CDH18: variants seen among roughly 807,000 people sequenced by gnomAD.
CDH18 encodes cadherin-18.
Under a neutral mutation model 67.9 loss-of-function variants are expected in CDH18, and 31 were observed. The ratio of observed to expected loss-of-function variants is 0.46; its 90% confidence interval spans 0.34 to 0.62. CDH18 has a LOEUF of 0.62. Among genes scored for constraint, CDH18 ranks in the 20% least tolerant of loss-of-function variants. The pLI, the probability that CDH18 is intolerant of heterozygous loss-of-function variation, is 0.01. For missense variants in CDH18, 890 were observed against 975.5 expected (o/e 0.91, Z 1.17); for synonymous variants, 362 against 347.2 (o/e 1.04, Z -0.48).
At chr5:20,313,407 AT>A (rs1216578824) in intron 1 of CDH18, among the ~76,000 whole-genome samples, 1 of 151,954 alleles carries the variant, frequency 6.6e-6, no homozygotes, top group Non-Finnish European at 1.5e-5. Context: ...TTTGATCTTC[AT>A]TTCTTTTCTG....
chr5:20,247,676 A>C (rs1156489669), intron 2 of CDH18, among the ~76,000 whole-genome samples: 3 of 151,818 alleles, frequency 2.0e-5, no homozygotes, highest in Admixed American at 6.6e-5. Flanking sequence ...AGGCAGGAGA[A>C]TCACTTGAAC....
At position 19,494,922 on chromosome 5, in the gene CDH18, T is replaced by C. The variant is rs903386904; in HGVS notation, c.1630+8070A>G. ...TTGGAAATCGATTCTTAGGCTATAATTTCTGTCACCTGATATCCCTTTTCA... is the reference window on the plus strand; with the variant it reads ...TTGGAAATCGATTCTTAGGCTATAACTTCTGTCACCTGATATCCCTTTTCA... On this transcript the variant is annotated intron_variant, in intron 11 of 12. Coordinates refer to ENST00000382275, the MANE Select transcript of CDH18 (RefSeq NM_004934.5). Among the ~76,000 whole-genome samples the C allele has an allele frequency of 3.3e-5, 5 of 152,324 alleles. No homozygotes were observed. The East Asian group carries it at 7.7e-4, about 23-fold the overall frequency.
At chr5:19,620,301 G>A (rs369353799) in intron 5 of CDH18, among the ~76,000 whole-genome samples, 37 of 152,128 alleles carry the variant, frequency 2.4e-4, no homozygotes, top group Non-Finnish European at 4.1e-4. Flanking sequence ...TATATACGTC[G>A]TGTATTTATT....
intron 8 of CDH18, among the ~76,000 whole-genome samples, chr5:19,545,756 C>T (rs575144566): frequency 6.6e-6 from 1 of 151,972 alleles, no homozygotes; most frequent in Non-Finnish European, 1.5e-5. Context: ...AATGATTATG[C>T]CTTAAATGCC....
intron 2 of CDH18, among the ~76,000 whole-genome samples, chr5:20,184,613 A>C (rs982579092): frequency 1.3e-5 from 2 of 152,108 alleles, no homozygotes; most frequent in Non-Finnish European, 2.9e-5. Context: ...TGATTCTGTT[A>C]GGGTTGAACT....
intron 2 of CDH18, among the ~76,000 whole-genome samples, chr5:19,875,696 T>C (rs1245749274): frequency 6.6e-6 from 1 of 152,014 alleles, no homozygotes; most frequent in Non-Finnish European, 1.5e-5. Flanking sequence ...TTTTATATTG[T>C]TGAATCTAGA....
chr5:19,933,399 C>G (rs1793916079), intron 2 of CDH18, among the ~76,000 whole-genome samples: 1 of 151,454 alleles, frequency 6.6e-6, no homozygotes, highest in South Asian at 2.1e-4. Flanking sequence ...AATTGCACCC[C>G]TTTCCTCATC....
intron 5 of CDH18, among the ~76,000 whole-genome samples, chr5:19,621,790 TA>T (rs1750760180): frequency 6.6e-6 from 1 of 152,172 alleles, no homozygotes; most frequent in African/African-American, 2.4e-5. Flanking sequence ...ATCGGACACT[TA>T]AAAATTGTTT....
intron 1 of CDH18, among the ~76,000 whole-genome samples, chr5:20,283,153 A>G (rs886208185): frequency 7.6e-6 from 1 of 132,026 alleles, no homozygotes; most frequent in Non-Finnish European, 1.7e-5. Flanking sequence ...TAAAATTACT[A>G]GAAAAAAAAT....
At chr5:19,730,751 AC>A (rs1438451748) in intron 4 of CDH18, among the ~76,000 whole-genome samples, 2 of 133,312 alleles carry the variant, frequency 1.5e-5, no homozygotes, top group Non-Finnish European at 3.2e-5. Context: ...TCATTTTCAC[AC>A]AGAAGTATTA....
chr5:19,736,811 G>C (rs75188035), intron 4 of CDH18, among the ~76,000 whole-genome samples: 1,586 of 152,250 alleles, frequency 0.01, 10 homozygotes, highest in Non-Finnish European at 0.017. Flanking sequence ...GGCACAGCAG[G>C]AGAAGATTTA....
At chr5:20,456,690 G>A (rs1750855281) in intron 1 of CDH18, among the ~76,000 whole-genome samples, 1 of 129,332 alleles carries the variant, frequency 7.7e-6, no homozygotes, top group Non-Finnish European at 1.8e-5. Context: ...CAATATTTAA[G>A]TGGACTAATT....
In CDH18 at chr5:20,542,542, G is replaced by A. The variant is rs370764656; in HGVS notation, c.-580+32920C>T. ...GCATATATATGCTATATATGCATAT[G>A]GATATATATACATATATATACACAC... On this transcript the variant is annotated intron_variant, in intron 1 of 14. Transcript: ENST00000507958. Among the ~76,000 whole-genome samples the A allele has an allele frequency of 3.4e-4, 51 of 151,144 alleles. 1 individual carries two copies. The East Asian group carries it at 5.1e-3, about 15-fold the overall frequency.
chr5:19,600,365 A>T (rs2150063434), intron 6 of CDH18, among the ~76,000 whole-genome samples: 1 of 151,924 alleles, frequency 6.6e-6, no homozygotes, highest in East Asian at 1.9e-4. Flanking sequence ...AAATAAAAAT[A>T]AAAATAAATA....
rs186992147 is a variant in CDH18, at chr5:19,912,165, A to G, written c.-257+68895T>C. On this transcript the variant is annotated intron_variant, in intron 2 of 12. Transcript: ENST00000382275. ...GAAAAAATAAAGACATGAATTGTTT[A>G]GCTATTAACAATAATAATAAAAAAA... Among the ~76,000 whole-genome samples the G allele has an allele frequency of 1.8e-3, 275 of 148,746 alleles. 1 individual carries two copies. The highest frequency in any genetic ancestry group is 6.4e-3 in the African/African-American group (263 of 41,206).
rs962649539 is a variant in CDH18 at position 19,700,791 on chromosome 5, A to G, written c.643+20556T>C. Among the ~76,000 whole-genome samples, 3 of 152,142 alleles carry G rather than the reference A, an allele frequency of 2.0e-5. No homozygotes were observed. The East Asian group carries it at 5.8e-4, about 29-fold the overall frequency. On this transcript the variant is annotated intron_variant, in intron 5 of 12. Transcript: ENST00000382275. ...AAGGGCTTTCATTTATCTCCCAGGA[A>G]AAGTCTATGGGCCTTGTTTCCATCA... is the stretch of plus-strand genomic sequence containing the variant.
At chr5:20,198,037 A>C (rs1383470307) in intron 2 of CDH18, among the ~76,000 whole-genome samples, 2 of 152,134 alleles carry the variant, frequency 1.3e-5, no homozygotes, top group Admixed American at 1.3e-4. Flanking sequence ...CCGCCCTGTG[A>C]AGAGGTGCCT....
chr5:20,539,239 T>C (rs1003099412), intron 1 of CDH18, among the ~76,000 whole-genome samples: 3 of 152,018 alleles, frequency 2.0e-5, no homozygotes, highest in Non-Finnish European at 4.4e-5. Context: ...GGAAAGAAAA[T>C]TCATGGGAAA....
chr5:19,744,437 T>C (rs1380536108), intron 4 of CDH18, among the ~76,000 whole-genome samples: 1 of 151,882 alleles, frequency 6.6e-6, no homozygotes, highest in Non-Finnish European at 1.5e-5. Context: ...GCCTTATGAT[T>C]CTCACATAGA....
Sources: gnomAD v4.1 joint callset for allele counts (sites outside exome capture counted in the v4.1 genomes callset) on GRCh38, gnomAD v4.1.1 for gene constraint, MANE v1.5 for transcripts, NCBI Gene and HGNC (gene_info 2026-07-23, HGNC 2026-07-21) for gene names.